Variants in CARMIL1 observed in about 807,000 individuals in gnomAD.
CARMIL1 encodes the protein F-actin-uncapping protein LRRC16A.
CARMIL1 carries 90 observed loss-of-function variants against 177.1 expected under a neutral mutation model. The ratio of observed to expected loss-of-function variants is 0.51; its 90% CI spans 0.43 to 0.61. The LOEUF is 0.61. CARMIL1 is among the 20% of genes least tolerant of loss of function. The pLI, the probability that CARMIL1 is intolerant of heterozygous loss-of-function variation, is 0.00. For synonymous variants in CARMIL1, 577 were observed against 606.2 expected, an observed-to-expected ratio of 0.95 and a Z score of 0.71; for missense variants, 1,380 against 1,667.0, an observed-to-expected ratio of 0.83 and a Z score of 3.00.
intron 2 of CARMIL1, among the ~76,000 whole-genome samples, chr6:25,331,308 A>G (rs997744747): frequency 2.6e-5 from 4 of 152,232 alleles, no homozygotes; most frequent in Non-Finnish European, 4.4e-5. Context: ...TTTACTGGGA[A>G]AGGATTGCCT....
At chr6:25,451,586 C>T (rs1307723450) in intron 8 of CARMIL1, among the ~76,000 whole-genome samples, 3 of 152,174 alleles carry the variant, frequency 2.0e-5, no homozygotes, top group African/African-American at 7.2e-5. Flanking sequence ...GAGATTCAGA[C>T]CTCAGAGAAA....
At chr6:25,544,466 C>T (rs904227839) in intron 26 of CARMIL1, among the ~76,000 whole-genome samples, 1 of 151,846 alleles carries the variant, frequency 6.6e-6, no homozygotes, top group Non-Finnish European at 1.5e-5. Flanking sequence ...ATCCAAAAGA[C>T]AATGAAATAA....
chr6:25,450,700 T>C lies in CARMIL1; in HGVS notation c.603T>C (p.His201=). The C allele has an allele frequency of 1.2e-6, 2 of 1,603,678 alleles. No homozygotes were observed. Among genetic ancestry groups the C allele is most frequent in the South Asian group, 1.1e-5 (1 of 89,744 alleles). Reference sequence around the variant, plus strand: ...AATTGAATTTACAAGATTTTAGTCATCTTGACCACAGGTAAGCTGCTTCCT... The same window carrying C: ...AATTGAATTTACAAGATTTTAGTCACCTTGACCACAGGTAAGCTGCTTCCT... ...TRELNLQDFS[H]LDHRDLIPII... The change falls in exon 8 of 37, where the codon CAT becomes CAC. Residue 201 remains histidine, a synonymous_variant. Coordinates refer to ENST00000329474, the MANE Select transcript of CARMIL1 (RefSeq NM_017640.6).
chr6:25,334,060 A>C (rs2744306), intron 2 of CARMIL1, among the ~76,000 whole-genome samples: 92,280 of 151,992 alleles, frequency 0.61, 28,432 homozygotes, highest in Middle Eastern at 0.7. Flanking sequence ...TAAAGTGGTT[A>C]TTCTTTCTTC....
intron 25 of CARMIL1, among the ~76,000 whole-genome samples, chr6:25,538,843 C>A (rs1808590484): frequency 6.6e-6 from 1 of 152,086 alleles, no homozygotes; most frequent in African/African-American, 2.4e-5. Context: ...CCCCTGGACG[C>A]CATGGAAATG....
intron 36 of CARMIL1, among the ~76,000 whole-genome samples, chr6:25,611,491 C>G (rs1383482746): frequency 6.6e-6 from 1 of 152,092 alleles, no homozygotes; most frequent in African/African-American, 2.4e-5. Flanking sequence ...AAGTGCGTCT[C>G]CCATTCCTAC....
rs774976260 is a variant in CARMIL1 at position 25,600,629 on chromosome 6, G to A, written c.3435G>A (p.Arg1145=). ...GGGAAGAAATAGGGAAGGTGGAACG[G>A]AGTGACAGCAAGAGCAGCCCACAGG... ...SQGEEIGKVE[R]SDSKSSPQAG... Residue 1145 remains arginine (R), a synonymous_variant, in exon 33 of 37, where the codon CGG becomes CGA. Coordinates refer to ENST00000329474, the MANE Select transcript of CARMIL1 (RefSeq NM_017640.6). 6.2e-7 allele frequency: 1 copy of A among 1,613,918 alleles called. No individual in the cohort carries two copies. The highest frequency in any genetic ancestry group is 8.5e-7 in the Non-Finnish European group (1 of 1,179,846).
At chr6:25,584,370 AGAAAG>A (rs771404210) in intron 31 of CARMIL1, among the ~76,000 whole-genome samples, 9 of 147,824 alleles carry the variant, frequency 6.1e-5, no homozygotes, top group South Asian at 2.3e-4. Flanking sequence ...AAAATAGAAA[AGAAAG>A]GAAGGAAGCT....
At chr6:25,586,899 C>T (rs1235566246) in intron 31 of CARMIL1, among the ~76,000 whole-genome samples, 1 of 151,826 alleles carries the variant, frequency 6.6e-6, no homozygotes, top group African/African-American at 2.4e-5. Context: ...GCCGAGATGG[C>T]AGCAGTACAG....
chr6:25,334,774 C>T (rs1786042840), intron 2 of CARMIL1, among the ~76,000 whole-genome samples: 1 of 152,140 alleles, frequency 6.6e-6, no homozygotes, highest in Non-Finnish European at 1.5e-5. Flanking sequence ...ACAGTGTTAA[C>T]CTGAGGTCTT....
chr6:25,387,068 C>T (rs569738994), intron 2 of CARMIL1, among the ~76,000 whole-genome samples: 27 of 139,422 alleles, frequency 1.9e-4, no homozygotes, highest in African/African-American at 5.7e-4. Flanking sequence ...AGGCCGAGAT[C>T]GCACCATTGC....
intron 2 of CARMIL1, among the ~76,000 whole-genome samples, chr6:25,405,722 G>A (rs181646413): frequency 5.3e-5 from 8 of 152,288 alleles, no homozygotes; most frequent in Non-Finnish European, 1.0e-4. Flanking sequence ...TTTTCCTTTT[G>A]GCAGGTGAGT....
chr6:25,348,383 C>T (rs545357098), intron 2 of CARMIL1, among the ~76,000 whole-genome samples: 66 of 152,002 alleles, frequency 4.3e-4, no homozygotes, highest in African/African-American at 1.5e-3. Flanking sequence ...CCACCCTCCT[C>T]GGCCTCCCAA....
At chr6:25,593,432 G>A (rs1694108346) in intron 31 of CARMIL1, among the ~76,000 whole-genome samples, 1 of 152,176 alleles carries the variant, frequency 6.6e-6, no homozygotes, top group South Asian at 2.1e-4. Flanking sequence ...TTCTTCCTTA[G>A]CATAAGGCTC....
intron 8 of CARMIL1, among the ~76,000 whole-genome samples, chr6:25,459,830 T>C (rs972254198): frequency 2.0e-5 from 3 of 152,204 alleles, no homozygotes; most frequent in African/African-American, 7.2e-5. Flanking sequence ...GAATGCAATG[T>C]TGCCATGTTG....
chr6:25,586,292 A>C (rs2151269680), intron 31 of CARMIL1, among the ~76,000 whole-genome samples: 1 of 148,436 alleles, frequency 6.7e-6, no homozygotes, highest in African/African-American at 2.5e-5. Context: ...GCGGTTGGGC[A>C]GAGACACTCC....
chr6:25,338,563 T>A (rs1453752174), intron 2 of CARMIL1, among the ~76,000 whole-genome samples: 1 of 151,402 alleles, frequency 6.6e-6, no homozygotes, highest in Non-Finnish European at 1.5e-5. Context: ...TTTTTTTTTT[T>A]TTTTATTTCT....
At chr6:25,603,526 C>A (rs1815637174) in intron 33 of CARMIL1, among the ~76,000 whole-genome samples, 1 of 152,118 alleles carries the variant, frequency 6.6e-6, no homozygotes, top group Non-Finnish European at 1.5e-5. Flanking sequence ...CTTATCTCAC[C>A]TGCATTTCAA....
chr6:25,571,817 CTG>C (rs766459649), intron 29 of CARMIL1, among the ~76,000 whole-genome samples: 1 of 152,080 alleles, frequency 6.6e-6, no homozygotes, highest in Non-Finnish European at 1.5e-5. Context: ...GTGAGGCAGT[CTG>C]TGAAACAATC....
Sources: allele counts gnomAD v4.1 joint callset (sites outside exome capture counted in the v4.1 genomes callset), GRCh38; gene constraint gnomAD v4.1.1; transcripts MANE v1.5; gene names NCBI Gene and HGNC (gene_info 2026-07-23, HGNC 2026-07-21).